The following NGEF variants were observed in gnomAD, a reference collection of about 807,000 sequenced individuals.
NGEF encodes ephexin-1.
A neutral mutation model predicts 80.9 loss-of-function variants in NGEF; 31 were observed. That is an observed-to-expected ratio of 0.38 (90% CI 0.29 to 0.52). The LOEUF is 0.52. Ranked by LOEUF, NGEF falls within the 20% of genes least tolerant of loss-of-function variation. The pLI is 0.84. For synonymous variants in NGEF, 371 were observed against 370.2 expected (o/e 1.00, Z -0.03); for missense variants, 709 against 926.2 (o/e 0.77, Z 3.04).
At chr2:232,925,752 G>A (rs917558237) in intron 4 of NGEF, among the ~76,000 whole-genome samples, 7 of 152,196 alleles carry the variant, frequency 4.6e-5, no homozygotes, top group Non-Finnish European at 7.3e-5. Flanking sequence ...ATGTGGCAGC[G>A]TGGCAGAGCT....
At position 232,920,495 on chromosome 2, in the gene NGEF, T is replaced by C. The variant is rs1444885497; in HGVS notation, c.617A>G (p.Asn206Ser). 1.3e-5 allele frequency: 21 copies of C among 1,608,924 alleles called. 1 individual carries two copies. The Admixed American group carries it at 2.2e-4, about 17-fold the overall frequency. Residue 206 changes from asparagine (N) to serine (S), a missense_variant, in exon 5 of 15, where the codon AAT becomes AGT. Physicochemically the swap from Asn to Ser is conservative, Grantham distance 46. Around this residue, in one of 2 missense-constraint regions of NGEF, gnomAD observed 283 missense variants for 303.4 expected, o/e 0.93. Coordinates refer to ENST00000264051, the MANE Select transcript of NGEF (RefSeq NM_019850.3). ...QQDAEIEDNT[N>S]GSPASEDTPE... ...GGTGTCCTCACTGGCCGGGGACCCA[T>C]TGGTATTGTCTTCTATTTCTGCATC...
chr2:232,979,026 C>T (rs919339516), intron 1 of NGEF, among the ~76,000 whole-genome samples: 3 of 152,158 alleles, frequency 2.0e-5, no homozygotes, highest in African/African-American at 7.2e-5. Flanking sequence ...TGTGCGGTGC[C>T]AGGGATGCAA....
intron 3 of NGEF, among the ~76,000 whole-genome samples, chr2:232,942,910 T>C (rs1329805526): frequency 6.7e-6 from 1 of 148,952 alleles, no homozygotes; most frequent in African/African-American, 2.4e-5. Flanking sequence ...ATTTCTTTTT[T>C]TTTTTTTTTT....
At position 232,893,600 on chromosome 2, in the gene NGEF, C is replaced by T. The variant is rs548039471; in HGVS notation, c.990-550G>A. Among the ~76,000 whole-genome samples, 14 of 152,184 alleles carry T rather than the reference C, an allele frequency of 9.2e-5. No homozygotes were observed. The South Asian group carries it at 2.9e-3, about 32-fold the overall frequency. On this transcript the variant is annotated intron_variant, in intron 6 of 14. Coordinates refer to ENST00000264051, the MANE Select transcript of NGEF (RefSeq NM_019850.3). ...ACCAGCCTGGCCAACATGGTGAAAC[C>T]CTGTCTCTACTAAAAATACAAAAAA...
Position 232,894,831 on chromosome 2 carries a change from A to G in NGEF, c.914T>C (p.Ile305Thr). The G allele has an allele frequency of 1.2e-6, 2 of 1,611,654 alleles. No homozygotes were observed. The highest frequency in any genetic ancestry group is 1.3e-5 in the African/African-American group (1 of 75,000). The change falls in exon 6 of 15, where the codon ATA becomes ACA. Residue 305 changes from isoleucine to threonine, a missense_variant. By Grantham distance (89) the Ile-to-Thr change is moderately conservative. Coordinates refer to ENST00000264051, the MANE Select transcript of NGEF (RefSeq NM_019850.3). ...LVSHFMENER[I>T]RKILHPSEAH... The stretch of plus-strand genomic sequence containing the variant: ...CTCGGACGGGTGCAGGATCTTCCTT[A>G]TCCGCTCGTTCTCCATGAAGTGGGA...
At chr2:232,994,295 G>C (rs971839914) in intron 1 of NGEF, among the ~76,000 whole-genome samples, 1 of 151,150 alleles carries the variant, frequency 6.6e-6, no homozygotes, top group South Asian at 2.1e-4. Flanking sequence ...ACTTGAACCC[G>C]GGAGGCGGAG....
At chr2:232,950,153 T>A (rs1295821001) in intron 3 of NGEF, among the ~76,000 whole-genome samples, 2 of 152,224 alleles carry the variant, frequency 1.3e-5, no homozygotes, top group Non-Finnish European at 2.9e-5. Flanking sequence ...TGAAAAATGT[T>A]GTCATTATAG....
At chr2:232,996,342 A>C (rs1694846364) in intron 1 of NGEF, among the ~76,000 whole-genome samples, 1 of 152,156 alleles carries the variant, frequency 6.6e-6, no homozygotes, top group Non-Finnish European at 1.5e-5. Context: ...CAACAACAAC[A>C]ACAACACAAA....
chr2:232,883,438 G>T lies in NGEF; in HGVS notation c.1630C>A (p.Pro544Thr). The stretch of plus-strand genomic sequence containing the variant: ...TCCTCCACACGCAGCAGTCCCCGCG[G>T]AGCTGAGTCAAATACCTGGTACTTG... ...GDKYQVFDSA[P>T]RGLLRVEELE... The change falls in exon 12 of 15, where the codon CCG becomes ACG. Residue 544 changes from proline (P) to threonine (T), a missense_variant. By Grantham distance (38) the Pro-to-Thr change is conservative. Around this residue, in one of 2 missense-constraint regions of NGEF, gnomAD observed 426 missense variants for 622.9 expected, o/e 0.68. Coordinates refer to ENST00000264051, the MANE Select transcript of NGEF (RefSeq NM_019850.3). 1 of 1,607,192 alleles carries T rather than the reference G, an allele frequency of 6.2e-7. No homozygotes were observed. The highest frequency in any genetic ancestry group is 8.5e-7 in the Non-Finnish European group (1 of 1,177,060).
At position 232,887,967 on chromosome 2, in the gene NGEF, G is replaced by A. The variant is rs113102731; in HGVS notation, c.1347+66C>T. 5.6e-5 allele frequency: 69 copies of A among 1,238,650 alleles called. 2 individuals are homozygous for A. In the Middle Eastern group the frequency reaches 7.5e-4, roughly 14 times the overall value. The allele number at this position is 1,238,650 out of a possible 1,614,324, so 76.7% of individuals were successfully genotyped here. On this transcript the variant is annotated intron_variant, in intron 9 of 14. Transcript: ENST00000264051. ...ACACGGACATGTGGGGAGCAGGGCC[G>A]GAAAGGTGTGCCTGGATGAGGAAAA...
chr2:232,956,331 C>T (rs1464180168), intron 3 of NGEF, among the ~76,000 whole-genome samples: 1 of 151,978 alleles, frequency 6.6e-6, no homozygotes, highest in Non-Finnish European at 1.5e-5. Flanking sequence ...CCAGAGCCAG[C>T]CCATAAGGTA....
intron 1 of NGEF, among the ~76,000 whole-genome samples, chr2:233,004,342 C>T (rs1218258613): frequency 6.6e-6 from 1 of 152,204 alleles, no homozygotes; most frequent in African/African-American, 2.4e-5. Flanking sequence ...CACCCACACA[C>T]CTGAGCATGT....
At position 232,920,313 on chromosome 2, in the gene NGEF, G is replaced by C; in HGVS notation, c.799C>G (p.Leu267Val). The change falls in exon 5 of 15, where the codon CTA becomes GTA. Residue 267 changes from leucine to valine, a missense_variant. By Grantham distance (32) the Leu-to-Val change is conservative (BLOSUM62 1). This residue lies in a region of NGEF where 426 missense variants were observed against 622.9 expected (regional missense o/e 0.68). Coordinates refer to ENST00000264051, the MANE Select transcript of NGEF (RefSeq NM_019850.3). ...TGCAGCTTAATCTCCTCGGGCTGTAGGATCTCAAGCACCCCGCTGCTCCGG... is the reference window on the plus strand; with the variant it reads ...TGCAGCTTAATCTCCTCGGGCTGTACGATCTCAAGCACCCCGCTGCTCCGG... ...EIRSSGVLEILQPEEIKLQEA... is the reference protein window; with the variant it reads ...EIRSSGVLEIVQPEEIKLQEA... 1 of 1,614,046 alleles carries C rather than the reference G, an allele frequency of 6.2e-7. No individual in the cohort carries two copies. Among genetic ancestry groups the C allele is most frequent in the South Asian group, 1.1e-5 (1 of 91,048 alleles).
At position 232,970,504 on chromosome 2, in the gene NGEF, T is replaced by A. The variant is rs144519460; in HGVS notation, c.269-176A>T. ...GGAGTTTGTCACACCTCATGCTGTGTCAGATGGCCTGGGATGCCATCCCTA... is the reference window on the plus strand; with the variant it reads ...GGAGTTTGTCACACCTCATGCTGTGACAGATGGCCTGGGATGCCATCCCTA... On this transcript the variant is annotated intron_variant, in intron 2 of 14. Transcript: ENST00000264051. Among the ~76,000 whole-genome samples, 646 of 152,288 alleles carry A rather than the reference T, an allele frequency of 4.2e-3. 6 individuals are homozygous for A. The highest frequency in any genetic ancestry group is 0.014 in the African/African-American group (577 of 41,552).
Position 232,995,628 on chromosome 2 carries a change from C to G in NGEF, c.-75+17440G>C, listed in dbSNP as rs568787675. 4.7e-4 allele frequency among the ~76,000 whole-genome samples: 12 copies of G among 25,270 alleles called. 1 individual carries two copies. The highest frequency in any genetic ancestry group is 1.3e-3 in the African/African-American group (10 of 7,926). The allele number at this position is 25,270 out of a possible 152,430, so 16.6% of individuals were successfully genotyped here. On this transcript the variant is annotated intron_variant, in intron 1 of 14. Transcript: ENST00000264051. ...TATACAGTATGTATACGTATGTATA[C>G]TGTATATATGTATTATAGTGTATAT... is the stretch of plus-strand genomic sequence containing the variant.
rs539400147 is a variant in NGEF, at chr2:232,900,128, TCA to T, written c.829-5214_829-5213del. 2.9e-3 allele frequency among the ~76,000 whole-genome samples: 308 copies of T among 107,840 alleles called. 24 individuals carry two copies. Among genetic ancestry groups the T allele is most frequent in the African/African-American group, 0.011 (269 of 24,032 alleles). The allele number at this position is 107,840 out of a possible 152,430, so 70.7% of individuals were successfully genotyped here. On this transcript the variant is annotated intron_variant, in intron 5 of 14. Coordinates refer to ENST00000264051, the MANE Select transcript of NGEF (RefSeq NM_019850.3). ...CTCAGTCACTCATATACACGTTCAC[TCA>T]CATTCTCACACACACACGCTCACAG...
chr2:232,994,939 C>T (rs199843297), intron 1 of NGEF, among the ~76,000 whole-genome samples: 1 of 79,982 alleles, frequency 1.3e-5, no homozygotes, highest in African/African-American at 5.7e-5. Context: ...TGGATATATA[C>T]ACACATATAA....
At chr2:233,001,058 C>A (rs1694966908) in intron 1 of NGEF, among the ~76,000 whole-genome samples, 1 of 152,154 alleles carries the variant, frequency 6.6e-6, no homozygotes, top group Non-Finnish European at 1.5e-5. Flanking sequence ...CTGGAGGGGG[C>A]TTCCCCCCAT....
At chr2:232,993,854 T>C (rs1485515901) in intron 1 of NGEF, among the ~76,000 whole-genome samples, 1 of 152,086 alleles carries the variant, frequency 6.6e-6, no homozygotes, top group Non-Finnish European at 1.5e-5. Flanking sequence ...ATATGAAACG[T>C]CCAGAACCGG....
Sources: gnomAD v4.1 joint callset for allele counts (sites outside exome capture counted in the v4.1 genomes callset) on GRCh38, gnomAD v4.1.1 for gene constraint, gnomAD v4.1.1 regional missense constraint, MANE v1.5 for transcripts, NCBI Gene and HGNC (gene_info 2026-07-23, HGNC 2026-07-21) for gene names.